The following TNRC6B variants were observed in gnomAD, a reference collection of about 807,000 sequenced individuals.
TNRC6B encodes the protein trinucleotide repeat-containing gene 6B protein.
Under a neutral mutation model 203.6 loss-of-function variants are expected in TNRC6B, and 52 were observed. That is an observed-to-expected ratio of 0.26 (90% CI 0.20 to 0.32). The LOEUF is 0.32. TNRC6B is among the 10% of genes least tolerant of loss of function. The pLI is 1.00. For synonymous variants in TNRC6B, 838 were observed against 845.7 expected, an observed-to-expected ratio of 0.99 and a Z score of 0.16; for missense variants, 1,923 against 2,286.2, an observed-to-expected ratio of 0.84 and a Z score of 3.24.
intron 3 of TNRC6B, among the ~76,000 whole-genome samples, chr22:40,139,181 G>A (rs1261327986): frequency 1.3e-5 from 2 of 152,074 alleles, no homozygotes; most frequent in Non-Finnish European, 2.9e-5. Flanking sequence ...CATATAAATA[G>A]AATCATACAG....
At chr22:40,122,035 CA>C (rs2068451432) in intron 2 of TNRC6B, among the ~76,000 whole-genome samples, 1 of 152,184 alleles carries the variant, frequency 6.6e-6, no homozygotes, top group Admixed American at 6.5e-5. Flanking sequence ...TCAAAAATGC[CA>C]CATGTATTTT....
intron 12 of TNRC6B, among the ~76,000 whole-genome samples, chr22:40,295,440 C>T (rs1004840583): frequency 2.4e-4 from 35 of 147,786 alleles, no homozygotes; most frequent in Non-Finnish European, 4.0e-4. Context: ...TGCCATTGCA[C>T]TCCAGCCTGG....
At chr22:40,273,220 G>C (rs933620811) in intron 6 of TNRC6B, among the ~76,000 whole-genome samples, 3 of 152,182 alleles carry the variant, frequency 2.0e-5, no homozygotes, top group African/African-American at 7.2e-5. Flanking sequence ...TGATTCTATG[G>C]TTTGTTAACT....
intron 1 of TNRC6B, among the ~76,000 whole-genome samples, chr22:40,217,885 G>A (rs1208149237): frequency 1.3e-5 from 2 of 148,336 alleles, no homozygotes; most frequent in African/African-American, 4.9e-5. Context: ...TGAGGCAGGA[G>A]AATCACTTGA....
Position 40,059,348 on chromosome 22 carries a change from A to G in TNRC6B, c.-121+14350A>G, listed in dbSNP as rs138078793. ...TACGTAGACTTTGCTAATTGCATTC[A>G]TTAGTTCTAATGGCATTTTTATAGA... is the stretch of plus-strand genomic sequence containing the variant. On this transcript the variant is annotated intron_variant, in intron 1 of 23. Coordinates refer to the TNRC6B transcript ENST00000301923. Among the ~76,000 whole-genome samples, 854 of 152,334 alleles carry G rather than the reference A, an allele frequency of 5.6e-3. 9 individuals are homozygous for G. Among genetic ancestry groups the G allele is most frequent in the African/African-American group, 0.02 (818 of 41,572 alleles).
intron 1 of TNRC6B, among the ~76,000 whole-genome samples, chr22:40,063,433 C>T (rs2067870838): frequency 6.6e-6 from 1 of 152,190 alleles, no homozygotes; most frequent in East Asian, 1.9e-4. Flanking sequence ...ATTTTAGGAT[C>T]AGCTTCTCCA....
rs527437811 is a variant in TNRC6B at position 40,234,015 on chromosome 22, G to A, written c.6-12000G>A. On this transcript the variant is annotated intron_variant, in intron 1 of 22. Coordinates refer to ENST00000454349, the MANE Select transcript of TNRC6B (RefSeq NM_001162501.2). Reference sequence around the variant, plus strand: ...TAAAATACCTTCCCAGGCCGAGTGCGGTGCTCACACCTGTAATCCCAACAG... The same window carrying A: ...TAAAATACCTTCCCAGGCCGAGTGCAGTGCTCACACCTGTAATCCCAACAG... Among the ~76,000 whole-genome samples the A allele has an allele frequency of 3.3e-4, 50 of 152,264 alleles. 1 individual carries two copies. In the South Asian group the frequency reaches 0.01, roughly 32 times the overall value.
intron 12 of TNRC6B, among the ~76,000 whole-genome samples, chr22:40,297,164 AACAGGCCGTTTG>A (rs1053752731): frequency 6.6e-6 from 1 of 152,246 alleles, no homozygotes; most frequent in Non-Finnish European, 1.5e-5. Flanking sequence ...ACTCTACTTT[AACAGGCCGTTTG>A]ACAACTTCTC....
At chr22:40,230,220 G>A (rs2069848296) in intron 1 of TNRC6B, among the ~76,000 whole-genome samples, 2 of 142,238 alleles carry the variant, frequency 1.4e-5, no homozygotes, top group East Asian at 4.2e-4. Flanking sequence ...CTTTTTATGT[G>A]TTTATTTGCC....
rs147345508 is a variant in TNRC6B at position 40,093,863 on chromosome 22, T to G, written c.-120-23192T>G. On this transcript the variant is annotated intron_variant, in intron 1 of 23. Transcript: ENST00000301923. ...TGATGGGTACAAAAATACAGTTAGA[T>G]AAAATGAATATGATCTAGTATTTGG... 2.6e-4 allele frequency among the ~76,000 whole-genome samples: 40 copies of G among 152,238 alleles called. 1 individual carries two copies. The East Asian group carries it at 7.7e-3, about 29-fold the overall frequency.
At chr22:40,288,835 C>T (rs1239962249) in intron 12 of TNRC6B, among the ~76,000 whole-genome samples, 1 of 148,486 alleles carries the variant, frequency 6.7e-6, no homozygotes, top group Non-Finnish European at 1.5e-5. Flanking sequence ...GCCACTGTGC[C>T]CAGCTTTTTT....
At position 40,300,455 on chromosome 22, in the gene TNRC6B, G is replaced by T. The variant is rs1206767356; in HGVS notation, c.3709G>T (p.Val1237Phe). The T allele has an allele frequency of 1.3e-6, 2 of 1,560,698 alleles. No homozygotes were observed. Among genetic ancestry groups the T allele is most frequent in the Non-Finnish European group, 1.7e-6 (2 of 1,161,004 alleles). The change falls in exon 13 of 23, where the codon GTT (valine) becomes TTT (phenylalanine). Residue 1237 changes from valine to phenylalanine, a missense_variant and splice_region_variant. Around this residue, in one of 8 missense-constraint regions of TNRC6B, gnomAD observed 242 missense variants for 399.5 expected, o/e 0.61. Coordinates refer to ENST00000454349, the MANE Select transcript of TNRC6B (RefSeq NM_001162501.2). ...CTTTCTTTTTTATTTTTTTGGCTAG[G>T]TTTCTGCCTCAATGCTCAAGCAGTT... ...QVPPQFISPQ[V>F]SASMLKQFPN...
At chr22:40,116,605 A>G (rs1225576033) in intron 1 of TNRC6B, among the ~76,000 whole-genome samples, 1 of 152,170 alleles carries the variant, frequency 6.6e-6, no homozygotes, top group African/African-American at 2.4e-5. Flanking sequence ...AGCAGTGAAA[A>G]TGAAGAATTA....
chr22:40,319,382 A>G (rs552997272), intron 21 of TNRC6B, among the ~76,000 whole-genome samples: 73 of 150,384 alleles, frequency 4.9e-4, no homozygotes, highest in Non-Finnish European at 9.5e-4. Context: ...GAAAGACCAC[A>G]TTCACATAAC....
chr22:40,065,999 A>G (rs2067891445), intron 1 of TNRC6B, among the ~76,000 whole-genome samples: 1 of 152,136 alleles, frequency 6.6e-6, no homozygotes, highest in Non-Finnish European at 1.5e-5. Flanking sequence ...AGGGTCTCCT[A>G]CAGATCTCTG....
At chr22:40,219,483 G>T (rs891332112) in intron 1 of TNRC6B, among the ~76,000 whole-genome samples, 3 of 152,188 alleles carry the variant, frequency 2.0e-5, no homozygotes, top group African/African-American at 7.2e-5. Context: ...GAAAGGATGA[G>T]TTCTGGAAAG....
intron 1 of TNRC6B, among the ~76,000 whole-genome samples, chr22:40,074,332 G>T (rs1490902286): frequency 6.6e-6 from 1 of 151,938 alleles, no homozygotes; most frequent in Non-Finnish European, 1.5e-5. Context: ...TATCTTTAGA[G>T]TGTATGAAAT....
intron 1 of TNRC6B, among the ~76,000 whole-genome samples, chr22:40,048,677 CT>C (rs2067716333): frequency 6.6e-6 from 1 of 152,130 alleles, no homozygotes; most frequent in Non-Finnish European, 1.5e-5. Flanking sequence ...GTAATATTGA[CT>C]TTTTATGTGT....
chr22:40,244,008 T>C (rs2070069076), intron 1 of TNRC6B, among the ~76,000 whole-genome samples: 1 of 152,178 alleles, frequency 6.6e-6, no homozygotes, highest in Non-Finnish European at 1.5e-5. Context: ...ATACTCAGGC[T>C]GTGGTTGCTA....
Sources: gnomAD v4.1 joint callset for allele counts (sites outside exome capture counted in the v4.1 genomes callset) on GRCh38, gnomAD v4.1.1 for gene constraint, gnomAD v4.1.1 regional missense constraint, MANE v1.5 for transcripts, NCBI Gene and HGNC (gene_info 2026-07-23, HGNC 2026-07-21) for gene names.